Variants in ZNF316 observed in about 807,000 individuals in gnomAD.
ZNF316 encodes zinc finger protein 316.
In ZNF316, 23 loss-of-function variants were observed where a neutral mutation model predicts 75.6. The ratio of observed to expected loss-of-function variants is 0.30; its 90% CI spans 0.22 to 0.43. The LOEUF (loss-of-function observed/expected upper bound fraction) is 0.43. Among genes scored for constraint, ZNF316 ranks in the 20% least tolerant of loss-of-function variants. The pLI is 1.00. For synonymous variants in ZNF316, 827 were observed against 666.2 expected, an observed-to-expected ratio of 1.24 and a Z score of -3.72; for missense variants, 1,266 against 1,409.4, an observed-to-expected ratio of 0.90 and a Z score of 1.63.
In ZNF316 at chr7:6,643,033, A is replaced by G; in HGVS notation, c.425A>G (p.Glu142Gly). The change falls in exon 6 of 9, where the codon GAG (glutamate) becomes GGG (glycine). Residue 142 changes from glutamate (E) to glycine (G), a missense_variant. Glu to Gly is a moderately conservative substitution (Grantham distance 98). Transcript: ENST00000382252. ...EDLEEEEEEE[E>G]DEDEDDLLTA... The stretch of plus-strand genomic sequence containing the variant: ...CTGGAGGAGGAGGAAGAGGAGGAGG[A>G]GGATGAGGACGAGGATGATTTGCTG... The G allele has an allele frequency of 8.1e-7, 1 of 1,240,504 alleles. No individual in the cohort carries two copies. The highest frequency in any genetic ancestry group is 1.0e-6 in the Non-Finnish European group (1 of 993,328). 76.8% of individuals were successfully genotyped at this position (1,240,504 alleles called of 1,614,324 possible). A position where few individuals can be genotyped will look rare whatever the true frequency, so the allele number is the denominator to read the frequency against.
Position 6,654,599 on chromosome 7 carries a change from G to C in ZNF316, c.3003G>C (p.Glu1001Asp). Reference sequence around the variant, plus strand: ...CCGGGCCCTCGGGCGCCTACCGGGAGGGCGTCCTGTGAGGGGCCCGGGGCC... The same window carrying C: ...CCGGGCCCTCGGGCGCCTACCGGGACGGCGTCCTGTGAGGGGCCCGGGGCC... ...AFAGPSGAYR[E>D]GVL Residue 1001 changes from glutamate to aspartate, a missense_variant, in exon 9 of 9, where the codon GAG becomes GAC. Physicochemically the swap from Glu to Asp is conservative, Grantham distance 45. Around this residue, in one of 3 missense-constraint regions of ZNF316, gnomAD observed 111 missense variants for 99.2 expected, o/e 1.12. Transcript: ENST00000382252. 8.4e-7 allele frequency: 1 copy of C among 1,186,186 alleles called. No individual in the cohort carries two copies. Among genetic ancestry groups the C allele is most frequent in the Non-Finnish European group, 1.0e-6 (1 of 958,624 alleles). 73.5% of individuals were successfully genotyped at this position (1,186,186 alleles called of 1,614,324 possible). A position where few individuals can be genotyped will look rare whatever the true frequency, so the allele number is the denominator to read the frequency against.
At chr7:6,648,920 G>A (rs1339495252) in intron 8 of ZNF316, among the ~76,000 whole-genome samples, 1 of 152,196 alleles carries the variant, frequency 6.6e-6, no homozygotes, top group Non-Finnish European at 1.5e-5. Flanking sequence ...TGTGCCTGGT[G>A]CTGATGCCTG....
In ZNF316 at chr7:6,642,590, G is replaced by T; in HGVS notation, c.181G>T (p.Ala61Ser). 1 of 1,220,440 alleles carries T rather than the reference G, an allele frequency of 8.2e-7. No individual in the cohort carries two copies. Among genetic ancestry groups the T allele is most frequent in the Admixed American group, 4.2e-5 (1 of 23,758 alleles). 75.6% of individuals were successfully genotyped at this position (1,220,440 alleles called of 1,614,324 possible). A position where few individuals can be genotyped will look rare whatever the true frequency, so the allele number is the denominator to read the frequency against. The change falls in exon 5 of 9, where the codon GCA (alanine) becomes TCA (serine). Residue 61 changes from alanine (A) to serine (S), a missense_variant. Transcript: ENST00000382252. The surrounding 1 kb of genome is among the most constrained non-coding windows in gnomAD (Gnocchi z 8.1). The stretch of plus-strand genomic sequence containing the variant: ...GGTGGAGGAGGAGGAGGAGGGTGTG[G>T]CAGAGGTAGTGCAGGATGCGCAGGT... ...IVVEEEEEGV[A>S]EVVQDAQVEA...
chr7:6,653,480 C>T lies in ZNF316; in HGVS notation c.1884C>T (p.Asp628=), dbSNP rs1425780114. 8 of 1,225,590 alleles carry T rather than the reference C, an allele frequency of 6.5e-6. No individual in the cohort carries two copies. Among genetic ancestry groups the T allele is most frequent in the Non-Finnish European group, 8.1e-6 (8 of 984,400 alleles). The allele number at this position is 1,225,590 out of a possible 1,614,324, so 75.9% of individuals were successfully genotyped here. A position where few individuals can be genotyped will look rare whatever the true frequency, so the allele number is the denominator to read the frequency against. Residue 628 remains aspartate (D), a synonymous_variant, in exon 9 of 9, where the codon GAC becomes GAT. Coordinates refer to ENST00000382252, the MANE Select transcript of ZNF316 (RefSeq NM_001278559.2). Reference sequence around the variant, plus strand: ...ACTTCCGAGAGCGGCTGCCGGTCGACGGGCGCCCGCTCCCGGCGCCCCTGG... The same window carrying T: ...ACTTCCGAGAGCGGCTGCCGGTCGATGGGCGCCCGCTCCCGGCGCCCCTGG... ...LPDFRERLPV[D]GRPLPAPLGG...
Position 6,653,495 on chromosome 7 carries a change from G to A in ZNF316, c.1899G>A (p.Pro633=). Residue 633 remains proline (P), a synonymous_variant, in exon 9 of 9, where the codon CCG becomes CCA. Transcript: ENST00000382252. The part of the protein sequence containing the change: ...ERLPVDGRPL[P]APLGGPLSLV... Reference sequence around the variant, plus strand: ...TGCCGGTCGACGGGCGCCCGCTCCCGGCGCCCCTGGGGGGCCCGCTCTCCC... The same window carrying A: ...TGCCGGTCGACGGGCGCCCGCTCCCAGCGCCCCTGGGGGGCCCGCTCTCCC... 8.2e-7 allele frequency: 1 copy of A among 1,221,714 alleles called. No individual in the cohort carries two copies. Among genetic ancestry groups the A allele is most frequent in the Non-Finnish European group, 1.0e-6 (1 of 981,360 alleles). The allele number at this position is 1,221,714 out of a possible 1,614,324, so 75.7% of individuals were successfully genotyped here.
chr7:6,643,833 G>A lies in ZNF316; in HGVS notation c.477G>A (p.Thr159=), dbSNP rs534035959. ...LLTAGCQELV[T]FEDVAVYFSL... ...CTCTGTTTCCCCAGGAGCTGGTGAC[G>A]TTTGAAGATGTGGCTGTGTACTTCT... Residue 159 remains threonine, a synonymous_variant, in exon 7 of 9, where the codon ACG becomes ACA. Coordinates refer to ENST00000382252, the MANE Select transcript of ZNF316 (RefSeq NM_001278559.2). The A allele has an allele frequency of 5.7e-5, 70 of 1,237,440 alleles. No homozygotes were observed. In the African/African-American group the frequency reaches 8.8e-4, roughly 16 times the overall value. The allele number at this position is 1,237,440 out of a possible 1,614,324, so 76.7% of individuals were successfully genotyped here. A position where few individuals can be genotyped will look rare whatever the true frequency, so the allele number is the denominator to read the frequency against.
Position 6,654,619 on chromosome 7 carries a change from G to A in ZNF316, c.*8G>A, listed in dbSNP as rs746128982. The stretch of plus-strand genomic sequence containing the variant: ...CGGGAGGGCGTCCTGTGAGGGGCCC[G>A]GGGCCGACAGCAGCGCAGCCTGCAG... On this transcript the variant is annotated 3_prime_UTR_variant, in exon 9 of 9. Transcript: ENST00000382252. 61 of 1,183,602 alleles carry A rather than the reference G, an allele frequency of 5.2e-5. No homozygotes were observed. Among genetic ancestry groups the A allele is most frequent in the Non-Finnish European group, 6.2e-5 (59 of 956,794 alleles). 73.3% of individuals were successfully genotyped at this position (1,183,602 alleles called of 1,614,324 possible). A position where few individuals can be genotyped will look rare whatever the true frequency, so the allele number is the denominator to read the frequency against.
chr7:6,654,004 A>T lies in ZNF316; in HGVS notation c.2408A>T (p.Tyr803Phe), dbSNP rs1160875366. ...HGRAHTGERP[Y>F]ACGECGRRFG... is the part of the protein sequence containing the mutation. ...CGCGCGCACACCGGGGAGCGGCCTT[A>T]CGCGTGTGGAGAGTGCGGCCGGCGC... The change falls in exon 9 of 9, where the codon TAC becomes TTC. Residue 803 changes from tyrosine (Y) to phenylalanine (F), a missense_variant. Tyr to Phe is a conservative substitution (Grantham distance 22). Coordinates refer to ENST00000382252, the MANE Select transcript of ZNF316 (RefSeq NM_001278559.2). The T allele has an allele frequency of 1.7e-6, 2 of 1,186,328 alleles. No individual in the cohort carries two copies. Among genetic ancestry groups the T allele is most frequent in the African/African-American group, 3.2e-5 (2 of 62,116 alleles). The allele number at this position is 1,186,328 out of a possible 1,614,324, so 73.5% of individuals were successfully genotyped here.
Position 6,652,313 on chromosome 7 carries a change from C to T in ZNF316, c.717C>T (p.Phe239=). 1 of 1,232,386 alleles carries T rather than the reference C, an allele frequency of 8.1e-7. No homozygotes were observed. The highest frequency in any genetic ancestry group is 4.1e-5 in the South Asian group (1 of 24,326). The allele number at this position is 1,232,386 out of a possible 1,614,324, so 76.3% of individuals were successfully genotyped here. A position where few individuals can be genotyped will look rare whatever the true frequency, so the allele number is the denominator to read the frequency against. The change falls in exon 9 of 9, where the codon TTC becomes TTT. Residue 239 remains phenylalanine (F), a synonymous_variant. Coordinates refer to ENST00000382252, the MANE Select transcript of ZNF316 (RefSeq NM_001278559.2). The part of the protein sequence containing the change: ...IVTGVYTGAW[F]WTDDIEDHEE... ...CTTTGTCACCTTCAGGAGCCTGGTT[C>T]TGGACGGACGACATAGAGGACCACG...
Position 6,653,492 on chromosome 7 carries a change from C to T in ZNF316, c.1896C>T (p.Leu632=), listed in dbSNP as rs1224758803. Residue 632 remains leucine, a synonymous_variant, in exon 9 of 9, where the codon CTC becomes CTT. Transcript: ENST00000382252. ...GGCTGCCGGTCGACGGGCGCCCGCT[C>T]CCGGCGCCCCTGGGGGGCCCGCTCT... is the stretch of plus-strand genomic sequence containing the variant. The part of the protein sequence containing the change: ...RERLPVDGRP[L]PAPLGGPLSL... The T allele has an allele frequency of 1.3e-5, 16 of 1,222,342 alleles. No homozygotes were observed. The highest frequency in any genetic ancestry group is 1.6e-5 in the African/African-American group (1 of 63,868). 75.7% of individuals were successfully genotyped at this position (1,222,342 alleles called of 1,614,324 possible). A position where few individuals can be genotyped will look rare whatever the true frequency, so the allele number is the denominator to read the frequency against.
At position 6,653,155 on chromosome 7, in the gene ZNF316, AGCCCGGCGAGACGGCGGCCGCCGCGGG is replaced by A. The variant is rs1779543680; in HGVS notation, c.1565_1591del (p.Gly522_Pro530del). On this transcript the variant is annotated inframe_deletion, in exon 9 of 9. Transcript: ENST00000382252. ...GCGGGTGGTGACGGCCCCCGGCGGGAGCCCGGCGAGACGGCGGCCGCCGCGGGGCCCGAGGACACGGACCCTGGGCCA... is the reference window on the plus strand; with the variant it reads ...GCGGGTGGTGACGGCCCCCGGCGGGAGCCCGAGGACACGGACCCTGGGCCA... 5 of 1,186,980 alleles carry A rather than the reference AGCCCGGCGAGACGGCGGCCGCCGCGGG, an allele frequency of 4.2e-6. No homozygotes were observed. In the East Asian group the frequency reaches 1.4e-4, roughly 34 times the overall value. 73.5% of individuals were successfully genotyped at this position (1,186,980 alleles called of 1,614,324 possible). A position where few individuals can be genotyped will look rare whatever the true frequency, so the allele number is the denominator to read the frequency against.
intron 8 of ZNF316, among the ~76,000 whole-genome samples, chr7:6,647,992 A>T (rs1779438816): frequency 6.6e-6 from 1 of 152,108 alleles, no homozygotes; most frequent in Non-Finnish European, 1.5e-5. Context: ...GCTGCTGGGG[A>T]CATTGGTTGG....
rs1562587256 is a variant in ZNF316 at position 6,657,600 on chromosome 7, GCGGATCCCTTGAGCTCAGA to G, written c.*2990_*3008del. The stretch of plus-strand genomic sequence containing the variant: ...AATCCCAGCACTATGGGAGGCCAAG[GCGGATCCCTTGAGCTCAGA>G]TGGATTCCTTGAGCTCAGGAGTTCG... On this transcript the variant is annotated 3_prime_UTR_variant, in exon 9 of 9. Coordinates refer to ENST00000382252, the MANE Select transcript of ZNF316 (RefSeq NM_001278559.2). 1.3e-5 allele frequency among the ~76,000 whole-genome samples: 2 copies of G among 152,180 alleles called. No individual in the cohort carries two copies. The highest frequency in any genetic ancestry group is 3.9e-4 in the East Asian group (2 of 5,164).
chr7:6,654,452 C>A lies in ZNF316; in HGVS notation c.2856C>A (p.Pro952=). 8.3e-7 allele frequency: 1 copy of A among 1,200,088 alleles called. No homozygotes were observed. Among genetic ancestry groups the A allele is most frequent in the Non-Finnish European group, 1.0e-6 (1 of 967,842 alleles). 74.3% of individuals were successfully genotyped at this position (1,200,088 alleles called of 1,614,324 possible). A position where few individuals can be genotyped will look rare whatever the true frequency, so the allele number is the denominator to read the frequency against. Residue 952 remains proline, a synonymous_variant, in exon 9 of 9, where the codon CCC becomes CCA. Coordinates refer to ENST00000382252, the MANE Select transcript of ZNF316 (RefSeq NM_001278559.2). ...CGGGCTCGGGTTCGGCCCCAGCCCCCGCGCCCAAGCCCGAGGCGGCCGCCA... is the reference window on the plus strand; with the variant it reads ...CGGGCTCGGGTTCGGCCCCAGCCCCAGCGCCCAAGCCCGAGGCGGCCGCCA... ...AAPGSGSAPA[P]APKPEAAAKG...
chr7:6,654,677 C>T lies in ZNF316; in HGVS notation c.*66C>T, dbSNP rs1157977941. On this transcript the variant is annotated 3_prime_UTR_variant, in exon 9 of 9. Transcript: ENST00000382252. The stretch of plus-strand genomic sequence containing the variant: ...GGCCCCTCCCTTGGACGGCCGGCCC[C>T]CCGCTCCTCGGGCCCCGGGAGGCTG... 2.6e-6 allele frequency: 3 copies of T among 1,138,508 alleles called. No individual in the cohort carries two copies. The highest frequency in any genetic ancestry group is 3.2e-6 in the Non-Finnish European group (3 of 925,644). 70.5% of individuals were successfully genotyped at this position (1,138,508 alleles called of 1,614,324 possible).
chr7:6,653,879 C>T lies in ZNF316; in HGVS notation c.2283C>T (p.His761=), dbSNP rs1169870832. ...ECGARFARGS[H]LAAHVRGHTG... is the part of the protein sequence containing the mutation. ...GCGCGCGGTTCGCCCGCGGCTCGCA[C>T]TTGGCGGCGCACGTGCGCGGCCACA... Residue 761 remains histidine (H), a synonymous_variant, in exon 9 of 9, where the codon CAC becomes CAT. Coordinates refer to ENST00000382252, the MANE Select transcript of ZNF316 (RefSeq NM_001278559.2). The T allele has an allele frequency of 4.6e-5, 51 of 1,098,380 alleles. No individual in the cohort carries two copies. The highest frequency in any genetic ancestry group is 5.7e-5 in the Non-Finnish European group (51 of 902,488). The allele number at this position is 1,098,380 out of a possible 1,614,324, so 68.0% of individuals were successfully genotyped here.
At chr7:6,641,525 T>A (rs1779311812) in intron 3 of ZNF316, among the ~76,000 whole-genome samples, 1 of 152,176 alleles carries the variant, frequency 6.6e-6, no homozygotes, top group Non-Finnish European at 1.5e-5. Flanking sequence ...CATCCTGCTG[T>A]GTCCATGGCC....
intron 4 of ZNF316, 21 bp downstream of exon 4, chr7:6,641,983 T>G (rs2115307493): frequency 6.3e-6 from 1 of 157,866 alleles, no homozygotes; most frequent in Non-Finnish European, 1.4e-5. Flanking sequence ...CTTTGTCCTG[T>G]GTATCAGGTG....
chr7:6,651,690 G>A (rs769689739), intron 8 of ZNF316, among the ~76,000 whole-genome samples: 1 of 152,108 alleles, frequency 6.6e-6, no homozygotes, highest in Non-Finnish European at 1.5e-5. Context: ...TTGAACCCAC[G>A]AGGTGGAGGT....
Sources: allele counts gnomAD v4.1 joint callset (sites outside exome capture counted in the v4.1 genomes callset), GRCh38; gene constraint gnomAD v4.1.1; regional missense constraint gnomAD v4.1.1; non-coding constraint Gnocchi (gnomAD v3.1); transcripts MANE v1.5; gene names NCBI Gene and HGNC (gene_info 2026-07-23, HGNC 2026-07-21).